The following ITPR1 variants were observed in gnomAD, a reference collection of about 807,000 sequenced individuals.
ITPR1 encodes inositol 1,4,5-trisphosphate-gated calcium channel ITPR1.
Under a neutral mutation model 318.4 loss-of-function variants are expected in ITPR1, and 96 were observed. That is an observed-to-expected ratio of 0.30 (90% CI 0.26 to 0.36). ITPR1 has a LOEUF of 0.36. ITPR1 is among the 10% of genes least tolerant of loss of function. ITPR1 has a pLI of 1.00. For missense variants in ITPR1, 2,440 were observed against 3,460.2 expected (o/e 0.71, Z 7.40); for synonymous variants, 1,312 against 1,289.9 (o/e 1.02, Z -0.37).
intron 4 of ITPR1, among the ~76,000 whole-genome samples, chr3:4,567,780 T>G (rs991781840): frequency 6.6e-6 from 1 of 152,072 alleles, no homozygotes; most frequent in Non-Finnish European, 1.5e-5. Context: ...TTTTTTGTAC[T>G]TTTAGTAGAG....
chr3:4,824,352 G>A (rs1247668603), intron 60 of ITPR1, among the ~76,000 whole-genome samples: 1 of 152,210 alleles, frequency 6.6e-6, no homozygotes, highest in African/African-American at 2.4e-5. Flanking sequence ...ACACTTTATA[G>A]ATGGGAACCT....
intron 5 of ITPR1, among the ~76,000 whole-genome samples, chr3:4,635,753 A>G (rs546002276): frequency 6.6e-6 from 1 of 152,318 alleles, no homozygotes; most frequent in East Asian, 1.9e-4. Flanking sequence ...AGCCTTGATC[A>G]GTGGCCTGTA....
At chr3:4,537,010 G>A (rs1201581286) in intron 4 of ITPR1, among the ~76,000 whole-genome samples, 1 of 152,060 alleles carries the variant, frequency 6.6e-6, no homozygotes, top group African/African-American at 2.4e-5. Context: ...GTGCAGCAGG[G>A]GCTCAGGAAA....
intron 21 of ITPR1, 50 bp downstream of exon 21, chr3:4,673,437 A>T: frequency 6.6e-7 from 1 of 1,520,538 alleles, no homozygotes; most frequent in Non-Finnish European, 8.9e-7. Flanking sequence ...GTGCGGCAGT[A>T]GATAGCCCCA....
At chr3:4,740,234 C>T (rs2043603302) in intron 44 of ITPR1, among the ~76,000 whole-genome samples, 1 of 152,078 alleles carries the variant, frequency 6.6e-6, no homozygotes, top group Non-Finnish European at 1.5e-5. Flanking sequence ...GTCAGCCAGG[C>T]CCCCAAGCTG....
rs935319529 is a variant in ITPR1 at position 4,688,658 on chromosome 3, G to A, written c.3828+38G>A. 2.5e-6 allele frequency: 4 copies of A among 1,592,314 alleles called. No individual in the cohort carries two copies. In the Admixed American group the frequency reaches 6.7e-5, roughly 27 times the overall value. ...GCCAATCTGCAAATCTATAGAGGGAGGAGGGCAGGGAAGAGGGAGGAGGAA... is the reference window on the plus strand; with the variant it reads ...GCCAATCTGCAAATCTATAGAGGGAAGAGGGCAGGGAAGAGGGAGGAGGAA... On this transcript the variant is annotated intron_variant, in intron 31 of 61. Transcript: ENST00000649015.
intron 4 of ITPR1, among the ~76,000 whole-genome samples, chr3:4,529,960 G>C (rs2083280522): frequency 6.6e-6 from 1 of 152,156 alleles, no homozygotes; most frequent in South Asian, 2.1e-4. Context: ...GCAGAGCTGG[G>C]ATTTGAACCC....
At position 4,719,116 on chromosome 3, in the gene ITPR1, T is replaced by C. The variant is rs1277272708; in HGVS notation, c.5136+1717T>C. ...GGTCTCCTGGCTGGGAGTTTATTGCTCACTTATGGAAAGATTCCACAGTTG... is the reference window on the plus strand; with the variant it reads ...GGTCTCCTGGCTGGGAGTTTATTGCCCACTTATGGAAAGATTCCACAGTTG... On this transcript the variant is annotated intron_variant, in intron 40 of 61. Transcript: ENST00000649015. 2.6e-5 allele frequency among the ~76,000 whole-genome samples: 4 copies of C among 152,346 alleles called. No homozygotes were observed. In the East Asian group the frequency reaches 7.7e-4, roughly 29 times the overall value.
chr3:4,789,682 C>A lies in ITPR1; in HGVS notation c.6808+1543C>A, dbSNP rs140798449. Among the ~76,000 whole-genome samples the A allele has an allele frequency of 8.9e-3, 1,360 of 152,212 alleles. 22 individuals carry two copies. Among genetic ancestry groups the A allele is most frequent in the African/African-American group, 0.031 (1,276 of 41,530 alleles). On this transcript the variant is annotated intron_variant, in intron 52 of 61. Transcript: ENST00000649015. ...TCGCCCAGGCTGGAGTGCAGTGGCG[C>A]GATCTCGGGTCACTGCAACCTCCAC...
intron 4 of ITPR1, among the ~76,000 whole-genome samples, chr3:4,608,165 A>G (rs1180496313): frequency 6.6e-6 from 1 of 152,176 alleles, no homozygotes; most frequent in Non-Finnish European, 1.5e-5. Flanking sequence ...TCAATGTTAT[A>G]CATTTTGCAA....
At chr3:4,631,597 T>C (rs2125134996) in intron 5 of ITPR1, among the ~76,000 whole-genome samples, 1 of 152,352 alleles carries the variant, frequency 6.6e-6, no homozygotes, top group East Asian at 1.9e-4. Context: ...TTTGGGATTA[T>C]GGCATTCAGG....
intron 17 of ITPR1, among the ~76,000 whole-genome samples, chr3:4,666,133 A>G (rs911178810): frequency 1.2e-4 from 19 of 152,170 alleles, no homozygotes; most frequent in Non-Finnish European, 2.4e-4. Context: ...ATGCAAAATG[A>G]TGCTTATCAT....
intron 4 of ITPR1, among the ~76,000 whole-genome samples, chr3:4,619,177 T>C (rs1307476103): frequency 6.6e-6 from 1 of 152,190 alleles, no homozygotes; most frequent in African/African-American, 2.4e-5. Context: ...TTTTTCTTGC[T>C]GGAAGCCTTA....
At position 4,717,392 on chromosome 3, in the gene ITPR1, A is replaced by G. The variant is rs2041849417; in HGVS notation, c.5129A>G (p.Asn1710Ser). ...CTAATTTCCATTGATGAATTGGATA[A>G]TGCTGAGGTCCTAATTTTGTTGTTT... is the stretch of plus-strand genomic sequence containing the variant. ...EKLISIDELDNAELPPAPDSE... is the reference protein window; with the variant it reads ...EKLISIDELDSAELPPAPDSE... Residue 1710 changes from asparagine to serine, a missense_variant, in exon 40 of 62, where the codon AAT (asparagine) becomes AGT (serine). Asn to Ser is a conservative substitution (Grantham distance 46, BLOSUM62 1). This residue lies in a region of ITPR1 where 166 missense variants were observed against 143.7 expected (regional missense o/e 1.16). Transcript: ENST00000649015. 1 of 1,596,438 alleles carries G rather than the reference A, an allele frequency of 6.3e-7. No individual in the cohort carries two copies. Among genetic ancestry groups the G allele is most frequent in the Non-Finnish European group, 8.5e-7 (1 of 1,177,102 alleles).
intron 4 of ITPR1, among the ~76,000 whole-genome samples, chr3:4,627,396 G>A (rs1272680154): frequency 6.6e-6 from 1 of 152,096 alleles, no homozygotes; most frequent in Admixed American, 6.5e-5. Flanking sequence ...CCCAGGAGGC[G>A]GAGGTCGCAG....
chr3:4,793,557 C>T (rs574492725), intron 52 of ITPR1, among the ~76,000 whole-genome samples: 2 of 152,204 alleles, frequency 1.3e-5, no homozygotes, highest in Non-Finnish European at 2.9e-5. Context: ...GCTGTTGTTT[C>T]TAGAGCAGAT....
intron 4 of ITPR1, among the ~76,000 whole-genome samples, chr3:4,586,716 C>T (rs1232059200): frequency 6.9e-6 from 1 of 144,608 alleles, no homozygotes. Context: ...CCTGTGTTGC[C>T]CAGGCTGGAT....
intron 35 of ITPR1, among the ~76,000 whole-genome samples, chr3:4,701,718 T>G (rs1396613420): frequency 6.6e-6 from 1 of 152,172 alleles, no homozygotes; most frequent in African/African-American, 2.4e-5. Flanking sequence ...TTTTCATGCG[T>G]GACGGGAAGG....
At chr3:4,774,829 G>A (rs1231969452) in intron 46 of ITPR1, among the ~76,000 whole-genome samples, 1 of 152,220 alleles carries the variant, frequency 6.6e-6, no homozygotes, top group East Asian at 1.9e-4. Flanking sequence ...TGGGCTCCGG[G>A]CATTCAGCAC....
Sources: allele counts gnomAD v4.1 joint callset (sites outside exome capture counted in the v4.1 genomes callset), GRCh38; gene constraint gnomAD v4.1.1; regional missense constraint gnomAD v4.1.1; transcripts MANE v1.5; gene names NCBI Gene and HGNC (gene_info 2026-07-23, HGNC 2026-07-21).